Variants in SEMA3A observed in about 807,000 individuals in gnomAD.
SEMA3A encodes semaphorin-3A.
A neutral mutation model predicts 97.9 loss-of-function variants in SEMA3A; 29 were observed. The observed-to-expected ratio is 0.30, with a 90% CI of 0.22 to 0.40. The LOEUF is 0.40. Among genes scored for constraint, SEMA3A ranks in the 10% least tolerant of loss-of-function variants. The probability of loss-of-function intolerance (pLI) is 1.00; values close to 1 mark genes in which losing one functional copy is unlikely to be tolerated. For synonymous variants in SEMA3A, 321 were observed against 323.7 expected (o/e 0.99, Z 0.09); for missense variants, 763 against 951.3 (o/e 0.80, Z 2.60).
chr7:84,083,155 T>G (rs562907598), intron 4 of SEMA3A, among the ~76,000 whole-genome samples: 1 of 151,992 alleles, frequency 6.6e-6, no homozygotes, highest in African/African-American at 2.4e-5. Context: ...ATCTTTAAAT[T>G]TATATTAAAG....
intron 2 of SEMA3A, among the ~76,000 whole-genome samples, chr7:84,335,626 A>G (rs1802018802): frequency 6.6e-6 from 1 of 152,144 alleles, no homozygotes; most frequent in South Asian, 2.1e-4. Flanking sequence ...GAACTATGGA[A>G]CAGGCATCTA....
chr7:84,319,622 A>G (rs1801598317), intron 2 of SEMA3A, among the ~76,000 whole-genome samples: 1 of 152,148 alleles, frequency 6.6e-6, no homozygotes, highest in Admixed American at 6.5e-5. Context: ...TCCTTCATTT[A>G]TAAAAATAGA....
intron 2 of SEMA3A, among the ~76,000 whole-genome samples, chr7:84,129,914 G>A (rs3801657): frequency 4.0e-5 from 6 of 151,804 alleles, no homozygotes; most frequent in Admixed American, 6.6e-5. Context: ...CTTCCAAAAC[G>A]TCCCATATTG....
At chr7:84,021,558 C>T (rs1791330761) in intron 6 of SEMA3A, among the ~76,000 whole-genome samples, 1 of 152,196 alleles carries the variant, frequency 6.6e-6, no homozygotes, top group African/African-American at 2.4e-5. Context: ...GGTCTATTGC[C>T]TTTTAACACA....
chr7:84,155,879 A>T (rs1275178415), intron 1 of SEMA3A, among the ~76,000 whole-genome samples: 2 of 152,138 alleles, frequency 1.3e-5, no homozygotes, highest in African/African-American at 2.4e-5. Flanking sequence ...AGAATATTTT[A>T]TTTAACCCTA....
intron 1 of SEMA3A, among the ~76,000 whole-genome samples, chr7:84,404,991 G>A (rs892360682): frequency 3.9e-5 from 6 of 152,128 alleles, no homozygotes; most frequent in South Asian, 2.1e-4. Flanking sequence ...ATCAACTAAC[G>A]AGCAAAATAA....
At position 84,247,778 on chromosome 7, in the gene SEMA3A, A is replaced by G. The variant is rs73709787; in HGVS notation, c.-82-53110T>C. ...ACCTGGTAACTGTTGGTAGTTGTCC[A>G]GAAGGGTGTGTGAGAGTACTACTGC... On this transcript the variant is annotated intron_variant, in intron 3 of 3. Transcript: ENST00000424555. Among the ~76,000 whole-genome samples the G allele has an allele frequency of 6.9e-3, 1,046 of 152,310 alleles. 11 individuals carry two copies. Among genetic ancestry groups the G allele is most frequent in the African/African-American group, 0.024 (1,011 of 41,564 alleles).
chr7:84,064,336 C>A (rs967362161), intron 4 of SEMA3A, among the ~76,000 whole-genome samples: 2 of 152,062 alleles, frequency 1.3e-5, no homozygotes, highest in African/African-American at 4.8e-5. Flanking sequence ...TAAACACCAT[C>A]AAGACTAGGA....
At chr7:84,043,863 T>C (rs13227311) in intron 6 of SEMA3A, among the ~76,000 whole-genome samples, 1 of 152,048 alleles carries the variant, frequency 6.6e-6, no homozygotes, top group Non-Finnish European at 1.5e-5. Flanking sequence ...TACAGAGCTG[T>C]GGACAATGCC....
rs560037260 is a variant in SEMA3A at position 83,958,648 on chromosome 7, C to T, written c.*2723G>A. ...AAAGTTTTATTTTACACTGTTCTTC[C>T]TCTTTTTCTCCCAAATTATTTACAT... On this transcript the variant is annotated 3_prime_UTR_variant, in exon 17 of 17. Transcript: ENST00000265362. 1 of 152,562 alleles carries T rather than the reference C, an allele frequency of 6.6e-6. No homozygotes were observed. Among genetic ancestry groups the T allele is most frequent in the Admixed American group, 6.6e-5 (1 of 15,264 alleles). 9.5% of individuals were successfully genotyped at this position (152,562 alleles called of 1,614,324 possible).
intron 1 of SEMA3A, among the ~76,000 whole-genome samples, chr7:84,423,845 C>T (rs368242717): frequency 6.6e-6 from 1 of 151,798 alleles, no homozygotes; most frequent in Non-Finnish European, 1.5e-5. Flanking sequence ...GGGCAAATGA[C>T]ATAAATAGAC....
chr7:84,085,741 G>A (rs929219155), intron 4 of SEMA3A, among the ~76,000 whole-genome samples: 3 of 151,988 alleles, frequency 2.0e-5, no homozygotes, highest in Non-Finnish European at 1.5e-5. Flanking sequence ...TAAAGTAAAT[G>A]AAGCCAGCAT....
intron 1 of SEMA3A, among the ~76,000 whole-genome samples, chr7:84,146,765 T>G (rs1796473548): frequency 6.6e-6 from 1 of 152,222 alleles, no homozygotes; most frequent in Middle Eastern, 3.2e-3. Context: ...TGGTTTTATT[T>G]AATGCTTTGA....
chr7:84,245,766 T>C (rs1584163351), intron 3 of SEMA3A, among the ~76,000 whole-genome samples: 1 of 151,916 alleles, frequency 6.6e-6, no homozygotes, highest in Non-Finnish European at 1.5e-5. Context: ...CCAGCTGGAG[T>C]TCTACCATAT....
rs141593161 is a variant in SEMA3A, at chr7:84,345,158, T to C, written c.-169+26666A>G. Among the ~76,000 whole-genome samples, 39 of 152,320 alleles carry C rather than the reference T, an allele frequency of 2.6e-4. No individual in the cohort carries two copies. The East Asian group carries it at 5.8e-3, about 23-fold the overall frequency. ...GTTTTCCCAGTGCATATAAAAGTTA[T>C]GTTTACACTATACTGTAGTCTATTA... On this transcript the variant is annotated intron_variant, in intron 2 of 3. Coordinates refer to the SEMA3A transcript ENST00000424555.
chr7:84,219,283 C>T (rs1489891036), intron 3 of SEMA3A, among the ~76,000 whole-genome samples: 8 of 152,138 alleles, frequency 5.3e-5, no homozygotes, highest in African/African-American at 1.7e-4. Flanking sequence ...GAAGTCTTTT[C>T]AGATGTCTGA....
chr7:84,015,010 T>C (rs1032007270), intron 6 of SEMA3A, among the ~76,000 whole-genome samples: 6 of 152,158 alleles, frequency 3.9e-5, no homozygotes, highest in African/African-American at 9.7e-5. Context: ...ATCTGAATTA[T>C]TAAAATAGAT....
intron 5 of SEMA3A, among the ~76,000 whole-genome samples, chr7:84,054,225 C>T (rs934073033): frequency 6.6e-6 from 1 of 152,260 alleles, no homozygotes; most frequent in Admixed American, 6.5e-5. Context: ...ATCTTTGTGG[C>T]ATTCTCTATA....
At chr7:84,235,105 G>A (rs1799204249) in intron 3 of SEMA3A, among the ~76,000 whole-genome samples, 1 of 152,010 alleles carries the variant, frequency 6.6e-6, no homozygotes, top group Non-Finnish European at 1.5e-5. Context: ...TTTAAAACAG[G>A]AAGGCCATTA....
Sources: gnomAD v4.1 joint callset for allele counts (sites outside exome capture counted in the v4.1 genomes callset) on GRCh38, gnomAD v4.1.1 for gene constraint, MANE v1.5 for transcripts, NCBI Gene and HGNC (gene_info 2026-07-23, HGNC 2026-07-21) for gene names.